Variants in KDM2B observed in about 807,000 individuals in gnomAD.
The protein encoded by KDM2B is lysine-specific demethylase 2B.
A neutral mutation model predicts 150.0 loss-of-function variants in KDM2B; 26 were observed. The observed-to-expected ratio is 0.17, with a 90% CI of 0.13 to 0.24. KDM2B has a LOEUF of 0.24. Among genes scored for constraint, KDM2B ranks in the 10% least tolerant of loss-of-function variants. The probability of loss-of-function intolerance (pLI) is 1.00; values close to 1 mark genes in which losing one functional copy is unlikely to be tolerated. For synonymous variants in KDM2B, 734 were observed against 729.5 expected (o/e 1.01, Z -0.10); for missense variants, 1,265 against 1,816.9 (o/e 0.70, Z 5.52).
chr12:121,499,312 G>A (rs1257334547), intron 11 of KDM2B, among the ~76,000 whole-genome samples: 3 of 149,888 alleles, frequency 2.0e-5, no homozygotes, highest in Non-Finnish European at 4.4e-5. Flanking sequence ...AGTAGAGACA[G>A]GTTTCACCAT....
rs1891444086 is a variant in KDM2B, at chr12:121,575,542, G to A, written c.350+239C>T. On this transcript the variant is annotated intron_variant, in intron 3 of 22. Coordinates refer to ENST00000377071, the MANE Select transcript of KDM2B (RefSeq NM_032590.5). The surrounding 1 kb of genome is among the most constrained non-coding windows in gnomAD (Gnocchi z 4.4). ...TAACTGGGGTGGGTCAGGGAAAAAA[G>A]TCAACACTGCTTAATTACCCTATGT... 6.6e-6 allele frequency among the ~76,000 whole-genome samples: 1 copy of A among 152,194 alleles called. No individual in the cohort carries two copies. The highest frequency in any genetic ancestry group is 2.4e-5 in the African/African-American group (1 of 41,452).
At chr12:121,415,605 C>T in the KDM2B span, among the ~76,000 whole-genome samples, 10 of 151,896 alleles carry the variant, frequency 6.6e-5, no homozygotes, top group Admixed American at 1.3e-4. Flanking sequence ...GACAATGAGA[C>T]CCTGTTTTTA....
the KDM2B span, among the ~76,000 whole-genome samples, chr12:121,410,724 C>G: frequency 1.3e-5 from 2 of 152,152 alleles, no homozygotes; most frequent in Non-Finnish European, 2.9e-5. Flanking sequence ...GTTATTCTCT[C>G]ACTGGGAGAT....
rs782635508 is a variant in KDM2B, at chr12:121,440,829, T to C, written c.3597A>G (p.Thr1199=). 3.1e-6 allele frequency: 5 copies of C among 1,611,698 alleles called. No individual in the cohort carries two copies. In the East Asian group the frequency reaches 1.1e-4, roughly 36 times the overall value. ...AQMRDLLSPP[T]DNRPGQMDNR... ...CTGGCAACTCACCTGGCCTGTTGTC[T>C]GTGGGCGGGGACAGGAGATCCCGCA... is the stretch of plus-strand genomic sequence containing the variant. Residue 1199 remains threonine, a synonymous_variant, in exon 21 of 23, where the codon ACA becomes ACG. Coordinates refer to ENST00000377071, the MANE Select transcript of KDM2B (RefSeq NM_032590.5).
At chr12:121,426,648 C>T (rs113684085), downstream of KDM2B, among the ~76,000 whole-genome samples, 13,460 of 126,624 alleles carry the variant, frequency 0.11, 745 homozygotes, top group South Asian at 0.25. Flanking sequence ...TTTTTTTAGA[C>T]AGAGTCTTGC....
intron 22 of KDM2B, among the ~76,000 whole-genome samples, chr12:121,431,693 C>T (rs551093980): frequency 3.3e-5 from 5 of 152,160 alleles, no homozygotes; most frequent in South Asian, 2.1e-4. Context: ...AGACAGTGGC[C>T]TCCACATCAG....
chr12:121,415,125 A>G, the KDM2B span, among the ~76,000 whole-genome samples: 1 of 152,066 alleles, frequency 6.6e-6, no homozygotes, highest in Non-Finnish European at 1.5e-5. Context: ...GAAAGTAGAG[A>G]AAATTTCAGA....
Position 121,575,040 on chromosome 12 carries a change from AG to A in KDM2B, c.351-448del, listed in dbSNP as rs1164495879. 2.6e-5 allele frequency among the ~76,000 whole-genome samples: 4 copies of A among 152,250 alleles called. No individual in the cohort carries two copies. The highest frequency in any genetic ancestry group is 4.4e-5 in the Non-Finnish European group (3 of 68,042). On this transcript the variant is annotated intron_variant, in intron 3 of 22. Coordinates refer to ENST00000377071, the MANE Select transcript of KDM2B (RefSeq NM_032590.5). This position sits in a 1 kb window ranked among gnomAD's most constrained non-coding sequence, Gnocchi z 4.4. ...CCCCTTTAAGTTCAGAGGGAAAAAAAGACACGCATTGTACTAGTTCCAGGGA... is the reference window on the plus strand; with the variant it reads ...CCCCTTTAAGTTCAGAGGGAAAAAAAACACGCATTGTACTAGTTCCAGGGA...
intron 12 of KDM2B, among the ~76,000 whole-genome samples, chr12:121,492,966 G>A (rs959876003): frequency 6.6e-6 from 1 of 151,058 alleles, no homozygotes; most frequent in African/African-American, 2.4e-5. Flanking sequence ...TGCAATCACA[G>A]CTCACTGCAG....
At chr12:121,527,293 C>T (rs1461797075) in intron 8 of KDM2B, among the ~76,000 whole-genome samples, 16 of 142,874 alleles carry the variant, frequency 1.1e-4, no homozygotes, top group African/African-American at 4.1e-4. Context: ...CCTGATCTGC[C>T]CGCCTTGGCC....
chr12:121,549,379 G>A lies in KDM2B; in HGVS notation c.576+81C>T, dbSNP rs782459289. On this transcript the variant is annotated intron_variant, in intron 5 of 22. Transcript: ENST00000377071. The surrounding 1 kb of genome is among the most constrained non-coding windows in gnomAD (Gnocchi z 4.4). ...CACACCCACATGAGCCTTTTTGCAA[G>A]GCACAACCCAGGTGGCAGGGGGACA... 5.1e-6 allele frequency: 7 copies of A among 1,361,006 alleles called. No homozygotes were observed. Among genetic ancestry groups the A allele is most frequent in the Non-Finnish European group, 7.0e-6 (7 of 996,114 alleles). The allele number at this position is 1,361,006 out of a possible 1,614,324, so 84.3% of individuals were successfully genotyped here. A position where few individuals can be genotyped will look rare whatever the true frequency, so the allele number is the denominator to read the frequency against.
chr12:121,420,237 T>C, the KDM2B span: 3 of 1,608,924 alleles, frequency 1.9e-6, no homozygotes, highest in Non-Finnish European at 2.6e-6. Flanking sequence ...GTTGTATAAG[T>C]GTAGGTACAA....
At position 121,430,529 on chromosome 12, in the gene KDM2B, G is replaced by A. The variant is rs782156785; in HGVS notation, c.3830-60C>T. On this transcript the variant is annotated intron_variant, in intron 22 of 22. Transcript: ENST00000377071. This position sits in a 1 kb window ranked among gnomAD's most constrained non-coding sequence, Gnocchi z 4.4. ...GCCAGGAGCCAGAAGCCCCCCCGCC[G>A]CCAGACCCAGGCACTCAGCAGTGGG... is the stretch of plus-strand genomic sequence containing the variant. 2.9e-5 allele frequency: 36 copies of A among 1,257,318 alleles called. No individual in the cohort carries two copies. The highest frequency in any genetic ancestry group is 1.7e-4 in the South Asian group (14 of 82,416). The allele number at this position is 1,257,318 out of a possible 1,614,324, so 77.9% of individuals were successfully genotyped here.
intron 22 of KDM2B, among the ~76,000 whole-genome samples, chr12:121,432,350 C>G (rs1451491612): frequency 6.6e-6 from 1 of 152,164 alleles, no homozygotes; most frequent in Non-Finnish European, 1.5e-5. Flanking sequence ...CCCCAAAACT[C>G]AATACTTGAT....
At chr12:121,564,927 C>G in intron 4 of KDM2B, among the ~76,000 whole-genome samples, 1 of 151,970 alleles carries the variant, frequency 6.6e-6, no homozygotes, top group East Asian at 1.9e-4. Context: ...CTCTGGGGTT[C>G]AAGCAATTCT....
rs945834241 is a variant in KDM2B at position 121,552,503 on chromosome 12, T to C, written c.398-2865A>G. ...GCCTGGCCAACATGGCAAAACCCTA[T>C]CTCTACTAAAAATACAAAAATTAGC... On this transcript the variant is annotated intron_variant, in intron 4 of 22. Coordinates refer to ENST00000377071, the MANE Select transcript of KDM2B (RefSeq NM_032590.5). 2.0e-5 allele frequency among the ~76,000 whole-genome samples: 3 copies of C among 151,916 alleles called. No homozygotes were observed. The South Asian group carries it at 6.2e-4, about 32-fold the overall frequency.
chr12:121,456,920 A>C (rs1198140354), intron 12 of KDM2B, among the ~76,000 whole-genome samples: 1 of 152,210 alleles, frequency 6.6e-6, no homozygotes, highest in East Asian at 1.9e-4. Context: ...AGCCGCTGCC[A>C]AATCAGGCCA....
chr12:121,487,217 C>T (rs1555299062), intron 12 of KDM2B, among the ~76,000 whole-genome samples: 1 of 152,054 alleles, frequency 6.6e-6, no homozygotes, highest in Admixed American at 6.6e-5. Context: ...TTTTGCCACC[C>T]ATATTTTTCT....
At chr12:121,542,374 G>A (rs1888674657) in intron 6 of KDM2B, among the ~76,000 whole-genome samples, 1 of 152,124 alleles carries the variant, frequency 6.6e-6, no homozygotes, top group Non-Finnish European at 1.5e-5. Context: ...TGAACTCCTG[G>A]GCTCAAGCAC....
Sources: gnomAD v4.1 joint callset for allele counts (sites outside exome capture counted in the v4.1 genomes callset) on GRCh38, gnomAD v4.1.1 for gene constraint, Gnocchi (gnomAD v3.1) non-coding constraint, MANE v1.5 for transcripts, NCBI Gene and HGNC (gene_info 2026-07-23, HGNC 2026-07-21) for gene names.